AJUBA: variants seen among roughly 807,000 people sequenced by gnomAD.
AJUBA encodes LIM domain-containing protein ajuba.
A neutral mutation model predicts 53.3 loss-of-function variants in AJUBA; 20 were observed. The observed-to-expected ratio is 0.38, with a 90% CI of 0.26 to 0.55. The LOEUF (loss-of-function observed/expected upper bound fraction) is 0.55. Among genes scored for constraint, AJUBA ranks in the 20% least tolerant of loss-of-function variants. AJUBA has a pLI of 0.80. For missense variants in AJUBA, 580 were observed against 730.5 expected (o/e 0.79, Z 2.38); for synonymous variants, 296 against 306.2 (o/e 0.97, Z 0.35).
rs551056110 is a variant in AJUBA, at chr14:22,973,031, G to A, written c.*412C>T. 11 of 206,134 alleles carry A rather than the reference G, an allele frequency of 5.3e-5. No individual in the cohort carries two copies. Among genetic ancestry groups the A allele is most frequent in the African/African-American group, 1.8e-4 (8 of 43,328 alleles). 12.8% of individuals were successfully genotyped at this position (206,134 alleles called of 1,614,324 possible). A position where few individuals can be genotyped will look rare whatever the true frequency, so the allele number is the denominator to read the frequency against. On this transcript the variant is annotated 3_prime_UTR_variant, in exon 8 of 8. Transcript: ENST00000262713. ...CACTAGGCCAGACACAGTGGCTTAC[G>A]CCTATAATCCCAGCACTTTGGGAGG...
chr14:22,978,168 A>G (rs2045054962), intron 2 of AJUBA, among the ~76,000 whole-genome samples, 176 bp downstream of exon 2: 1 of 152,244 alleles, frequency 6.6e-6, no homozygotes. Flanking sequence ...AGTAGAGGAC[A>G]GACAGGGAAG....
intron 1 of AJUBA, chr14:22,980,633 T>C (rs2045077822): frequency 5.1e-6 from 5 of 985,222 alleles, no homozygotes; most frequent in Middle Eastern, 5.2e-4. Flanking sequence ...GGGACAGCAG[T>C]TGGGTCCCAG....
At chr14:22,973,959 C>T in intron 7 of AJUBA, 88 bp downstream of exon 7, 3 of 1,468,526 alleles carry the variant, frequency 2.0e-6, no homozygotes, top group Non-Finnish European at 2.9e-6. Flanking sequence ...TACACCTCTC[C>T]CATAGATGTC....
At chr14:22,976,797 A>C in intron 2 of AJUBA, 85 bp from the exon 3 acceptor site, 1 of 1,553,468 alleles carries the variant, frequency 6.4e-7, no homozygotes, top group Non-Finnish European at 8.7e-7. Context: ...CTGCTGCATA[A>C]TATATTTAAA....
intron 1 of AJUBA, among the ~76,000 whole-genome samples, chr14:22,980,929 A>C (rs1484380187): frequency 6.6e-6 from 1 of 151,822 alleles, no homozygotes; most frequent in Non-Finnish European, 1.5e-5. Context: ...AGGGGGGAGC[A>C]AGTTGGGGGG....
chr14:22,981,557 C>A lies in AJUBA; in HGVS notation c.710G>T (p.Ser237Ile), dbSNP rs765224412. Reference protein sequence around the residue: ...SRHSYPPALGSPGALAGAGVG... With the variant: ...SRHSYPPALGIPGALAGAGVG... ...TCCGGCCCCGGCTAGAGCTCCAGGG[C>A]TGCCCAGGGCCGGGGGATACGAGTG... Residue 237 changes from serine (S) to isoleucine (I), a missense_variant, in exon 1 of 8, where the codon AGC (serine) becomes ATC (isoleucine). This residue lies in a region of AJUBA where 430 missense variants were observed against 471.5 expected (regional missense o/e 0.91). Transcript: ENST00000262713. 28 of 1,578,880 alleles carry A rather than the reference C, an allele frequency of 1.8e-5. No homozygotes were observed. Among genetic ancestry groups the A allele is most frequent in the Non-Finnish European group, 2.3e-5 (27 of 1,166,750 alleles).
intron 2 of AJUBA, 56 bp downstream of exon 2, chr14:22,978,287 TG>T: frequency 1.3e-6 from 2 of 1,502,328 alleles, no homozygotes; most frequent in South Asian, 2.3e-5. Context: ...CCATAGCACT[TG>T]TAAGTGTGTA....
chr14:22,981,708 G>A lies in AJUBA; in HGVS notation c.559C>T (p.Pro187Ser), dbSNP rs2045099187. Residue 187 changes from proline to serine, a missense_variant, in exon 1 of 8, where the codon CCC becomes TCC. Physicochemically the swap from Pro to Ser is moderately conservative, Grantham distance 74. This residue lies in a region of AJUBA where 430 missense variants were observed against 471.5 expected (regional missense o/e 0.91). Transcript: ENST00000262713. ...LPAGPCLFGPPLAGAPAGYSP... is the reference protein window; with the variant it reads ...LPAGPCLFGPSLAGAPAGYSP... The stretch of plus-strand genomic sequence containing the variant: ...TAGCCTGCCGGTGCTCCGGCCAGGG[G>A]TGGGCCAAACAGGCACGGCCCCGCT... 1.3e-6 allele frequency: 2 copies of A among 1,527,044 alleles called. No individual in the cohort carries two copies. The highest frequency in any genetic ancestry group is 1.8e-6 in the Non-Finnish European group (2 of 1,141,324). The allele number at this position is 1,527,044 out of a possible 1,614,324, so 94.6% of individuals were successfully genotyped here.
chr14:22,978,349 G>T lies in AJUBA; in HGVS notation c.1103C>A (p.Ser368Tyr). ...LYHTQCFVCC[S>Y]CGRTLRCKAF... ...AGTATTGGGGCTACACTCACCACAAGAGCAGCAAACAAAGCACTGGGTGTG... is the reference window on the plus strand; with the variant it reads ...AGTATTGGGGCTACACTCACCACAATAGCAGCAAACAAAGCACTGGGTGTG... Residue 368 changes from serine (S) to tyrosine (Y), a missense_variant, in exon 2 of 8, where the codon TCT becomes TAT. Coordinates refer to ENST00000262713, the MANE Select transcript of AJUBA (RefSeq NM_032876.6). The T allele has an allele frequency of 6.2e-7, 1 of 1,613,450 alleles. No individual in the cohort carries two copies. Among genetic ancestry groups the T allele is most frequent in the South Asian group, 1.1e-5 (1 of 91,046 alleles).
intron 2 of AJUBA, among the ~76,000 whole-genome samples, chr14:22,977,955 C>T (rs2045052852): frequency 6.6e-6 from 1 of 151,834 alleles, no homozygotes; most frequent in Admixed American, 6.6e-5. Context: ...CCCCACTCCC[C>T]CAGCCTGCCC....
chr14:22,977,104 C>G, intron 2 of AJUBA: 1 of 1,038,010 alleles, frequency 9.6e-7, no homozygotes, highest in Non-Finnish European at 1.2e-6. Flanking sequence ...ACATTGTTAA[C>G]AGGCCTTTCC....
intron 1 of AJUBA, among the ~76,000 whole-genome samples, chr14:22,980,877 G>C (rs896426134): frequency 1.3e-5 from 2 of 152,050 alleles, no homozygotes; most frequent in African/African-American, 4.8e-5. Flanking sequence ...GGGCCCGGGT[G>C]GGGGCGCGGC....
At position 22,976,678 on chromosome 14, in the gene AJUBA, G is replaced by A. The variant is rs1420205048; in HGVS notation, c.1143C>T (p.Val381=). The A allele has an allele frequency of 6.2e-7, 1 of 1,614,076 alleles. No homozygotes were observed. The part of the protein sequence containing the change: ...RTLRCKAFYS[V]NGSVYCEEDY... Reference sequence around the variant, plus strand: ...CTTCCTCACAGTACACAGAGCCATTGACACTGTAGAAAGCCTTGCAACGCA... The same window carrying A: ...CTTCCTCACAGTACACAGAGCCATTAACACTGTAGAAAGCCTTGCAACGCA... Residue 381 remains valine (V), a synonymous_variant, in exon 3 of 8, where the codon GTC becomes GTT. Coordinates refer to ENST00000262713, the MANE Select transcript of AJUBA (RefSeq NM_032876.6).
At chr14:22,976,999 A>G in intron 2 of AJUBA, 1 of 1,304,174 alleles carries the variant, frequency 7.7e-7, no homozygotes, top group Non-Finnish European at 9.8e-7. Context: ...CTTCCTCTCC[A>G]GTGCATAGGA....
intron 2 of AJUBA, chr14:22,977,333 CA>C (rs2045046896): frequency 2.4e-6 from 1 of 408,614 alleles, no homozygotes; most frequent in African/African-American, 2.2e-5. Flanking sequence ...GGGTAAGAGA[CA>C]ACCCAGGATC....
chr14:22,971,748 T>C lies in AJUBA; in HGVS notation c.*1695A>G, dbSNP rs1353858820. On this transcript the variant is annotated 3_prime_UTR_variant, in exon 8 of 8. Transcript: ENST00000262713. Reference sequence around the variant, plus strand: ...ATCAAAATCACATTGAACTCCATTATATTTTTCAAGGCATTTAATTTGTAA... The same window carrying C: ...ATCAAAATCACATTGAACTCCATTACATTTTTCAAGGCATTTAATTTGTAA... The C allele has an allele frequency of 6.6e-6, 1 of 152,222 alleles. No individual in the cohort carries two copies. The highest frequency in any genetic ancestry group is 1.5e-5 in the Non-Finnish European group (1 of 68,032). 9.4% of individuals were successfully genotyped at this position (152,222 alleles called of 1,614,324 possible). A position where few individuals can be genotyped will look rare whatever the true frequency, so the allele number is the denominator to read the frequency against.
At chr14:22,980,469 G>A (rs900634970) in intron 1 of AJUBA, 3 of 467,176 alleles carry the variant, frequency 6.4e-6, no homozygotes, top group Non-Finnish European at 8.4e-6. Context: ...GTTATTTCTG[G>A]CAATAACACA....
At chr14:22,974,017 T>C (rs757057267) in intron 7 of AJUBA, 30 bp downstream of exon 7, 1 of 1,613,712 alleles carries the variant, frequency 6.2e-7, no homozygotes, top group Admixed American at 1.7e-5. Flanking sequence ...TTCCACTTCT[T>C]CTCCAGCACC....
Position 22,978,492 on chromosome 14 carries a change from G to A in AJUBA, c.1007-47C>T, listed in dbSNP as rs181735426. On this transcript the variant is annotated intron_variant, in intron 1 of 7. Transcript: ENST00000262713. ...ACTCTACTCCCCCAGGTCAAAACCA[G>A]GGATTCCCAAGCTTTCCTGACTGCC... The A allele has an allele frequency of 3.3e-5, 52 of 1,587,290 alleles. 1 individual carries two copies. The highest frequency in any genetic ancestry group is 6.8e-5 in the East Asian group (3 of 44,168).
Sources: allele counts gnomAD v4.1 joint callset (sites outside exome capture counted in the v4.1 genomes callset), GRCh38; gene constraint gnomAD v4.1.1; regional missense constraint gnomAD v4.1.1; transcripts MANE v1.5; gene names NCBI Gene and HGNC (gene_info 2026-07-23, HGNC 2026-07-21).